The following TEX9 variants were observed in gnomAD, a reference collection of about 807,000 sequenced individuals.
TEX9 encodes the protein testis-expressed protein 9.
Under a neutral mutation model 59.6 loss-of-function variants are expected in TEX9, and 74 were observed. The ratio of observed to expected loss-of-function variants is 1.24; its 90% CI spans 1.03 to 1.51. TEX9 has a LOEUF of 1.51. Among genes scored for constraint, TEX9 ranks in the 40% most tolerant of loss-of-function variants. The pLI is 0.00. For missense variants in TEX9, 522 were observed against 447.8 expected, an observed-to-expected ratio of 1.17 and a Z score of -1.49; for synonymous variants, 186 against 152.2, an observed-to-expected ratio of 1.22 and a Z score of -1.64.
chr15:56,314,851 A>G (rs865970111), intron 1 of TEX9, among the ~76,000 whole-genome samples: 4,488 of 151,972 alleles, frequency 0.03, 211 homozygotes, highest in African/African-American at 0.1. Flanking sequence ...GGGTGCATAT[A>G]TATTTAGGAT....
At chr15:56,355,075 T>C (rs2046659566) in intron 1 of TEX9, among the ~76,000 whole-genome samples, 1 of 152,228 alleles carries the variant, frequency 6.6e-6, no homozygotes, top group African/African-American at 2.4e-5. Context: ...ATATAGAACA[T>C]GACCAGAAGT....
intron 1 of TEX9, among the ~76,000 whole-genome samples, chr15:56,328,760 C>T (rs550857297): frequency 6.6e-6 from 1 of 152,122 alleles, no homozygotes; most frequent in Non-Finnish European, 1.5e-5. Context: ...CAGCTCAGCA[C>T]TCAGTGGTAA....
intron 10 of TEX9, among the ~76,000 whole-genome samples, chr15:56,418,231 T>C (rs1380000021): frequency 3.3e-5 from 5 of 151,882 alleles, no homozygotes; most frequent in Non-Finnish European, 7.4e-5. Flanking sequence ...TGCTGTTAGC[T>C]GGTTATTAGG....
chr15:56,305,591 A>G (rs2045463396), intron 1 of TEX9, among the ~76,000 whole-genome samples: 1 of 152,110 alleles, frequency 6.6e-6, no homozygotes, highest in Non-Finnish European at 1.5e-5. Flanking sequence ...AAGAAATTAG[A>G]CCCTTATCTC....
rs755928760 is a variant in TEX9 at position 56,394,647 on chromosome 15, C to T, written c.655-14C>T. The T allele has an allele frequency of 1.4e-5, 21 of 1,519,126 alleles. No homozygotes were observed. The South Asian group carries it at 2.3e-4, about 17-fold the overall frequency. 94.1% of individuals were successfully genotyped at this position (1,519,126 alleles called of 1,614,324 possible). On this transcript the variant is annotated splice_polypyrimidine_tract_variant and intron_variant, in intron 8 of 12. Coordinates refer to ENST00000352903, the Ensembl canonical transcript of TEX9. ...ACATATTTTTTCACATAATCTATAA[C>T]TTTATAACTATAGGAGGATGAAATT...
the TEX9 span, among the ~76,000 whole-genome samples, chr15:56,452,499 AT>A: frequency 3.3e-5 from 5 of 150,184 alleles, no homozygotes; most frequent in African/African-American, 7.3e-5. Flanking sequence ...AGTATAATCC[AT>A]ATTGTTTTGT....
At chr15:56,431,338 C>A (rs1326034071) in intron 12 of TEX9, 2 of 1,603,712 alleles carry the variant, frequency 1.2e-6, no homozygotes, top group South Asian at 1.1e-5. Flanking sequence ...TATTACAGGT[C>A]ATGAAGATTA....
intron 12 of TEX9, chr15:56,429,441 T>G: frequency 5.7e-6 from 2 of 353,098 alleles, no homozygotes; most frequent in South Asian, 7.6e-5. Context: ...CATAGGAATC[T>G]GAGCTCTTCT....
intron 2 of TEX9, among the ~76,000 whole-genome samples, chr15:56,367,409 G>C (rs1265481842): frequency 6.6e-6 from 1 of 152,162 alleles, no homozygotes; most frequent in Non-Finnish European, 1.5e-5. Flanking sequence ...TTGATCATTA[G>C]AATGCTACTT....
At chr15:56,454,868 C>G in the TEX9 span, among the ~76,000 whole-genome samples, 1 of 152,220 alleles carries the variant, frequency 6.6e-6, no homozygotes, top group South Asian at 2.1e-4. Flanking sequence ...CAGATTATCC[C>G]TTAATCTGTG....
intron 1 of TEX9, among the ~76,000 whole-genome samples, chr15:56,289,677 G>A (rs148010031): frequency 1.0e-3 from 155 of 152,296 alleles, no homozygotes; most frequent in Admixed American, 1.8e-3. Flanking sequence ...TGGGTCTGGC[G>A]TGTGGGCTCA....
At chr15:56,338,843 G>T (rs1406412290) in intron 1 of TEX9, among the ~76,000 whole-genome samples, 1 of 152,002 alleles carries the variant, frequency 6.6e-6, no homozygotes, top group African/African-American at 2.4e-5. Flanking sequence ...ACTTGAACCT[G>T]GGAGGCAGAG....
chr15:56,435,986 A>T (rs766914957), intron 12 of TEX9, among the ~76,000 whole-genome samples: 1 of 152,100 alleles, frequency 6.6e-6, no homozygotes, highest in South Asian at 2.1e-4. Context: ...GACTGGTTCA[A>T]TACTCAAAAA....
intron 1 of TEX9, among the ~76,000 whole-genome samples, chr15:56,331,054 A>G (rs1194047888): frequency 6.6e-6 from 1 of 152,196 alleles, no homozygotes; most frequent in African/African-American, 2.4e-5. Context: ...AAGAGAGACA[A>G]AGAAGGTCAT....
In TEX9 at chr15:56,389,300, T is replaced by C. The variant is rs28369022; in HGVS notation, c.313-18T>C. The C allele has an allele frequency of 0.012, 18,609 of 1,592,036 alleles. 702 individuals carry two copies. Among genetic ancestry groups the C allele is most frequent in the East Asian group, 0.1 (4,525 of 44,550 alleles). ...ATTAGACTCTAATTAGTCAATACTT[T>C]CAATTCTTTTCATGTAGCCAAAGAC... On this transcript the variant is annotated intron_variant, in intron 5 of 12. Coordinates refer to ENST00000352903, the Ensembl canonical transcript of TEX9.
chr15:56,296,698 T>G (rs930207102), intron 1 of TEX9, among the ~76,000 whole-genome samples: 1 of 152,244 alleles, frequency 6.6e-6, no homozygotes. Context: ...GTCTTTGGAA[T>G]GCTTTTGCCC....
chr15:56,278,757 C>G (rs1334278470), intron 1 of TEX9, among the ~76,000 whole-genome samples: 1 of 151,674 alleles, frequency 6.6e-6, no homozygotes, highest in Admixed American at 6.6e-5. Flanking sequence ...TTGGGTTCCT[C>G]AAAAATTCAG....
At chr15:56,357,543 A>G (rs2046706938) in intron 1 of TEX9, among the ~76,000 whole-genome samples, 1 of 152,150 alleles carries the variant, frequency 6.6e-6, no homozygotes, top group South Asian at 2.1e-4. Context: ...TTTCAAATCT[A>G]TCCTTCTTGA....
At chr15:56,417,439 T>A (rs965029290) in intron 10 of TEX9, among the ~76,000 whole-genome samples, 1 of 151,910 alleles carries the variant, frequency 6.6e-6, no homozygotes, top group Non-Finnish European at 1.5e-5. Flanking sequence ...TGACATAATT[T>A]CATTATTTAC....
Sources: gnomAD v4.1 joint callset for allele counts (sites outside exome capture counted in the v4.1 genomes callset) on GRCh38, gnomAD v4.1.1 for gene constraint, MANE v1.5 for transcripts, NCBI Gene and HGNC (gene_info 2026-07-23, HGNC 2026-07-21) for gene names.